CDH13: variants seen among roughly 807,000 people sequenced by gnomAD.
CDH13 encodes the protein cadherin-13.
Under a neutral mutation model 63.8 loss-of-function variants are expected in CDH13, and 24 were observed. The ratio of observed to expected loss-of-function variants is 0.38; its 90% confidence interval spans 0.27 to 0.53. The LOEUF (loss-of-function observed/expected upper bound fraction) is 0.53. Ranked by LOEUF, CDH13 falls within the 20% of genes least tolerant of loss-of-function variation. The pLI is 0.85. For synonymous variants in CDH13, 503 were observed against 355.3 expected, an observed-to-expected ratio of 1.42 and a Z score of -4.67; for missense variants, 1,049 against 903.1, an observed-to-expected ratio of 1.16 and a Z score of -2.07.
chr16:83,270,223 C>G (rs144686726), intron 5 of CDH13, among the ~76,000 whole-genome samples: 151 of 152,134 alleles, frequency 9.9e-4, no homozygotes, highest in African/African-American at 3.2e-3. Flanking sequence ...CAGTATAACA[C>G]GAGTGTTTGA....
intron 1 of CDH13, among the ~76,000 whole-genome samples, chr16:82,650,074 C>G (rs60209981): frequency 0.22 from 33,793 of 152,040 alleles, 5,137 homozygotes; most frequent in African/African-American, 0.43. Flanking sequence ...AGAATGTTCT[C>G]TGAGAAAGTA....
chr16:83,003,238 A>G (rs1257953292), intron 2 of CDH13, among the ~76,000 whole-genome samples: 1 of 152,200 alleles, frequency 6.6e-6, no homozygotes, highest in Non-Finnish European at 1.5e-5. Context: ...TGAGCTGAGA[A>G]TTGCTCTTGG....
At chr16:83,221,056 C>G (rs574499236) in intron 5 of CDH13, among the ~76,000 whole-genome samples, 11 of 152,358 alleles carry the variant, frequency 7.2e-5, no homozygotes, top group African/African-American at 2.6e-4. Flanking sequence ...CAAGGTCTCA[C>G]AGCTGGCATG....
intron 7 of CDH13, among the ~76,000 whole-genome samples, chr16:83,549,717 G>A (rs8050381): frequency 0.026 from 3,931 of 151,652 alleles, 132 homozygotes; most frequent in African/African-American, 0.068. Context: ...AAACGCTACC[G>A]CATTGAATTT....
At chr16:83,776,725 T>C (rs1915139942) in intron 11 of CDH13, among the ~76,000 whole-genome samples, 1 of 152,206 alleles carries the variant, frequency 6.6e-6, no homozygotes, top group South Asian at 2.1e-4. Context: ...TCACTTCTTA[T>C]CCTCGTAGGG....
At chr16:82,787,152 C>A (rs1169738428) in intron 1 of CDH13, among the ~76,000 whole-genome samples, 2 of 152,126 alleles carry the variant, frequency 1.3e-5, no homozygotes, top group Non-Finnish European at 2.9e-5. Context: ...TCCATTGGGG[C>A]TGGTCTCAGG....
At chr16:83,299,387 A>T (rs184329237) in intron 5 of CDH13, among the ~76,000 whole-genome samples, 1 of 152,194 alleles carries the variant, frequency 6.6e-6, no homozygotes, top group East Asian at 1.9e-4. Context: ...CTCATGTCAC[A>T]AATCAGTAGG....
rs1484865839 is a variant in CDH13 at position 83,047,634 on chromosome 16, G to C, written c.366+15416G>C. On this transcript the variant is annotated intron_variant, in intron 3 of 13. Transcript: ENST00000567109. This position sits in a 1 kb window ranked among gnomAD's most constrained non-coding sequence, Gnocchi z 4.9. The stretch of plus-strand genomic sequence containing the variant: ...AAATAATATGCTCCATAATGGCAGA[G>C]ATTTGACTGACTTGTTCGTTGCTAT... 6.6e-6 allele frequency among the ~76,000 whole-genome samples: 1 copy of C among 152,184 alleles called. No individual in the cohort carries two copies. Among genetic ancestry groups the C allele is most frequent in the Non-Finnish European group, 1.5e-5 (1 of 68,036 alleles).
At chr16:82,842,884 A>G (rs759285846) in intron 1 of CDH13, among the ~76,000 whole-genome samples, 5 of 152,132 alleles carry the variant, frequency 3.3e-5, no homozygotes, top group Non-Finnish European at 7.3e-5. Flanking sequence ...TAGATCCGTT[A>G]CATGTGTGGT....
At chr16:83,212,347 C>T (rs1388602919) in intron 4 of CDH13, among the ~76,000 whole-genome samples, 1 of 152,124 alleles carries the variant, frequency 6.6e-6, no homozygotes, top group African/African-American at 2.4e-5. Context: ...GTGGGTAATT[C>T]AGAAGGGCTT....
chr16:83,529,204 T>C (rs1281236843), intron 7 of CDH13, among the ~76,000 whole-genome samples: 1 of 152,026 alleles, frequency 6.6e-6, no homozygotes, highest in East Asian at 1.9e-4. Context: ...GTATTTATGG[T>C]TGGAGGTCAG....
intron 4 of CDH13, among the ~76,000 whole-genome samples, chr16:83,128,512 C>T (rs1169234189): frequency 6.6e-6 from 1 of 152,220 alleles, no homozygotes; most frequent in Non-Finnish European, 1.5e-5. Flanking sequence ...CTTTCAGTTG[C>T]AATTCCATTA....
chr16:83,752,988 C>G (rs1379555149), intron 11 of CDH13, among the ~76,000 whole-genome samples: 2 of 152,174 alleles, frequency 1.3e-5, no homozygotes, highest in East Asian at 3.9e-4. Flanking sequence ...AATTTAAAAT[C>G]TGGTACCACA....
chr16:83,480,022 A>G (rs969716059), intron 6 of CDH13, among the ~76,000 whole-genome samples: 1 of 152,200 alleles, frequency 6.6e-6, no homozygotes, highest in African/African-American at 2.4e-5. Flanking sequence ...GAGAAGAGCC[A>G]TTTTGTCAAT....
At chr16:82,871,763 T>C (rs1263231875) in intron 2 of CDH13, among the ~76,000 whole-genome samples, 1 of 152,214 alleles carries the variant, frequency 6.6e-6, no homozygotes, top group Admixed American at 6.5e-5. Context: ...GATGCATTAA[T>C]GATATCCTCA....
At chr16:83,412,567 C>T (rs751759400) in intron 6 of CDH13, among the ~76,000 whole-genome samples, 3 of 152,224 alleles carry the variant, frequency 2.0e-5, no homozygotes, top group Non-Finnish European at 4.4e-5. Context: ...GCAGCCACCT[C>T]GAAATGGGAG....
At chr16:82,960,963 T>A (rs1186446774) in intron 2 of CDH13, among the ~76,000 whole-genome samples, 2 of 152,178 alleles carry the variant, frequency 1.3e-5, no homozygotes, top group Non-Finnish European at 2.9e-5. Flanking sequence ...ATGGATAGTT[T>A]TTTCATTGCT....
chr16:83,601,727 C>G (rs2150749764), intron 7 of CDH13, among the ~76,000 whole-genome samples: 1 of 152,288 alleles, frequency 6.6e-6, no homozygotes, highest in East Asian at 1.9e-4. Flanking sequence ...CTAAGCTCAT[C>G]ATCAAAGGTA....
At chr16:82,755,151 T>A (rs919988668) in intron 1 of CDH13, among the ~76,000 whole-genome samples, 1 of 152,212 alleles carries the variant, frequency 6.6e-6, no homozygotes, top group Non-Finnish European at 1.5e-5. Flanking sequence ...CAAATCCAGC[T>A]GGTCATCTAG....
Sources: allele counts gnomAD v4.1 joint callset (sites outside exome capture counted in the v4.1 genomes callset), GRCh38; gene constraint gnomAD v4.1.1; non-coding constraint Gnocchi (gnomAD v3.1); transcripts MANE v1.5; gene names NCBI Gene and HGNC (gene_info 2026-07-23, HGNC 2026-07-21).